Variants in PLEKHM3 observed in about 807,000 individuals in gnomAD.
PLEKHM3 encodes the protein pleckstrin homology domain-containing family M member 3.
A neutral mutation model predicts 81.8 loss-of-function variants in PLEKHM3; 45 were observed. That is an observed-to-expected ratio of 0.55 (90% CI 0.43 to 0.71). The LOEUF is 0.71. Among genes scored for constraint, PLEKHM3 ranks in the 30% least tolerant of loss-of-function variants. The pLI, the probability that PLEKHM3 is intolerant of heterozygous loss-of-function variation, is 0.00. For missense variants in PLEKHM3, 788 were observed against 924.3 expected (o/e 0.85, Z 1.91); for synonymous variants, 352 against 356.4 (o/e 0.99, Z 0.14).
intron 6 of PLEKHM3, among the ~76,000 whole-genome samples, chr2:207,869,312 A>G (rs1466328642): frequency 6.6e-6 from 1 of 152,180 alleles, no homozygotes; most frequent in African/African-American, 2.4e-5. Context: ...CGTGAACAAA[A>G]TCATGACAGT....
chr2:207,847,713 A>G (rs541660650), intron 7 of PLEKHM3, among the ~76,000 whole-genome samples: 1 of 152,244 alleles, frequency 6.6e-6, no homozygotes, highest in Non-Finnish European at 1.5e-5. Context: ...AACGATTAGA[A>G]ACAAACAGCT....
intron 7 of PLEKHM3, chr2:207,852,914 G>T (rs1344051032): frequency 2.5e-6 from 1 of 406,880 alleles, no homozygotes; most frequent in African/African-American, 2.1e-5. Flanking sequence ...TTTAGAAACT[G>T]TGGAACTTCT....
chr2:207,877,634 T>C (rs933372359), intron 6 of PLEKHM3, among the ~76,000 whole-genome samples: 2 of 152,218 alleles, frequency 1.3e-5, no homozygotes, highest in African/African-American at 4.8e-5. Context: ...AGAGGTTTTG[T>C]TGGTTATCTC....
chr2:207,901,286 G>C lies in PLEKHM3; in HGVS notation c.1950+7228C>G, dbSNP rs1485876976. 6 of 703,052 alleles carry C rather than the reference G, an allele frequency of 8.5e-6. No individual in the cohort carries two copies. The Middle Eastern group carries it at 6.9e-4, about 80-fold the overall frequency. 43.6% of individuals were successfully genotyped at this position (703,052 alleles called of 1,614,324 possible). On this transcript the variant is annotated intron_variant, in intron 6 of 7. Coordinates refer to ENST00000427836, the MANE Select transcript of PLEKHM3 (RefSeq NM_001080475.3). ...CTTCAATCATCTGTGGATCAGGTTA[G>C]ATTTGGCTGTAGTGCCTGGGTCTGC... is the stretch of plus-strand genomic sequence containing the variant.
At chr2:207,962,924 T>TAAAAAA (rs11388264) in intron 3 of PLEKHM3, among the ~76,000 whole-genome samples, 3 of 135,784 alleles carry the variant, frequency 2.2e-5, no homozygotes, top group Non-Finnish European at 3.1e-5. Context: ...AGTCAAAAAT[T>TAAAAAA]AAAAAAAAAA....
At chr2:207,858,180 A>AT (rs58031514) in intron 7 of PLEKHM3, among the ~76,000 whole-genome samples, 59 of 103,846 alleles carry the variant, frequency 5.7e-4, no homozygotes, top group Non-Finnish European at 9.1e-4. Context: ...GTGTGTATAT[A>AT]TTTTTTTTTT....
intron 4 of PLEKHM3, among the ~76,000 whole-genome samples, chr2:207,936,704 T>C (rs761298874): frequency 5.3e-5 from 8 of 152,134 alleles, no homozygotes; most frequent in Non-Finnish European, 7.4e-5. Context: ...TCTAGGAAGT[T>C]ATCTACAGAT....
intron 5 of PLEKHM3, among the ~76,000 whole-genome samples, chr2:207,924,899 C>T (rs1330162521): frequency 2.0e-5 from 3 of 151,900 alleles, no homozygotes; most frequent in Admixed American, 6.6e-5. Flanking sequence ...GGGGGAGACT[C>T]GGACAGGACA....
intron 4 of PLEKHM3, among the ~76,000 whole-genome samples, chr2:207,941,052 T>C (rs527863127): frequency 6.6e-6 from 1 of 152,176 alleles, no homozygotes; most frequent in East Asian, 1.9e-4. Context: ...AAGATTTGGA[T>C]GATTATTGGG....
At position 207,931,081 on chromosome 2, in the gene PLEKHM3, G is replaced by A. The variant is rs748553172; in HGVS notation, c.1731C>T (p.Tyr577=). 3.1e-6 allele frequency: 5 copies of A among 1,613,722 alleles called. No individual in the cohort carries two copies. The highest frequency in any genetic ancestry group is 2.2e-5 in the East Asian group (1 of 44,876). Reference sequence around the variant, plus strand: ...GCTGGATGTCGATGAGCGGCTCTTCGTACACGTACTCCAGAAACTCCTTGG... The same window carrying A: ...GCTGGATGTCGATGAGCGGCTCTTCATACACGTACTCCAGAAACTCCTTGG... ...KQAKEFLEYV[Y]EEPLIDIQQE... Residue 577 remains tyrosine (Y), a synonymous_variant, in exon 5 of 8, where the codon TAC becomes TAT. Coordinates refer to ENST00000427836, the MANE Select transcript of PLEKHM3 (RefSeq NM_001080475.3).
chr2:208,013,709 G>A (rs1340187127), intron 1 of PLEKHM3, among the ~76,000 whole-genome samples: 1 of 152,166 alleles, frequency 6.6e-6, no homozygotes, highest in Admixed American at 6.5e-5. Flanking sequence ...CTGTCCAACA[G>A]AAGGCCTTTG....
chr2:207,851,946 A>C (rs1302762542), intron 7 of PLEKHM3, among the ~76,000 whole-genome samples: 2 of 152,084 alleles, frequency 1.3e-5, no homozygotes, highest in African/African-American at 4.8e-5. Context: ...AGGAGGTGGA[A>C]GCTCTGTTGT....
At chr2:207,937,378 C>T (rs1468273022) in intron 4 of PLEKHM3, among the ~76,000 whole-genome samples, 2 of 152,042 alleles carry the variant, frequency 1.3e-5, no homozygotes, top group Non-Finnish European at 2.9e-5. Context: ...CCAGCCTGGG[C>T]AACATAGCAA....
At chr2:207,914,679 G>A (rs1688925461) in intron 5 of PLEKHM3, among the ~76,000 whole-genome samples, 1 of 98,530 alleles carries the variant, frequency 1.0e-5, no homozygotes. Context: ...AAGACCCTGT[G>A]TCAAAAAAAA....
intron 1 of PLEKHM3, among the ~76,000 whole-genome samples, chr2:208,022,786 A>G (rs1693169339): frequency 6.6e-6 from 1 of 152,220 alleles, no homozygotes; most frequent in Non-Finnish European, 1.5e-5. Context: ...ATTTTAAATT[A>G]AACTGTGCCA....
intron 7 of PLEKHM3, among the ~76,000 whole-genome samples, chr2:207,836,253 G>C (rs1201796676): frequency 6.7e-6 from 1 of 149,672 alleles, no homozygotes; most frequent in Non-Finnish European, 1.5e-5. Context: ...GAACCCAGGA[G>C]GCAGAGGTTG....
intron 4 of PLEKHM3, among the ~76,000 whole-genome samples, chr2:207,944,455 G>A (rs769836756): frequency 2.0e-5 from 3 of 152,182 alleles, no homozygotes; most frequent in Non-Finnish European, 4.4e-5. Flanking sequence ...TTTGGTGGCT[G>A]GAAGGAGGAC....
intron 7 of PLEKHM3, among the ~76,000 whole-genome samples, chr2:207,858,191 T>G (rs2092447473): frequency 6.7e-6 from 1 of 150,124 alleles, no homozygotes; most frequent in South Asian, 2.1e-4. Context: ...TTTTTTTTTT[T>G]GAGATGAAGT....
intron 4 of PLEKHM3, among the ~76,000 whole-genome samples, chr2:207,943,851 G>C (rs190520878): frequency 0.022 from 2,533 of 114,634 alleles, 24 homozygotes; most frequent in Middle Eastern, 0.16. Flanking sequence ...CTGGGCGACA[G>C]AGCGAGACTC....
Sources: gnomAD v4.1 joint callset for allele counts (sites outside exome capture counted in the v4.1 genomes callset) on GRCh38, gnomAD v4.1.1 for gene constraint, MANE v1.5 for transcripts, NCBI Gene and HGNC (gene_info 2026-07-23, HGNC 2026-07-21) for gene names.